JAZF1: variants seen among roughly 807,000 people sequenced by gnomAD.
The protein encoded by JAZF1 is JAZF zinc finger 1, also known as juxtaposed with another zinc finger protein 1.
In JAZF1, 8 loss-of-function variants were observed where a neutral mutation model predicts 26.4. That is an observed-to-expected ratio of 0.30 (90% CI 0.18 to 0.55). The LOEUF is 0.55. JAZF1 is among the 20% of genes least tolerant of loss of function. JAZF1 has a pLI of 0.94. For synonymous variants in JAZF1, 126 were observed against 122.3 expected (o/e 1.03, Z -0.20); for missense variants, 199 against 322.0 (o/e 0.62, Z 2.92).
intron 2 of JAZF1, among the ~76,000 whole-genome samples, chr7:27,987,267 G>T (rs541817916): frequency 6.0e-5 from 9 of 149,734 alleles, no homozygotes; most frequent in Non-Finnish European, 1.2e-4. Flanking sequence ...CTGCCCCGAC[G>T]CCCCGTCTGG....
intron 2 of JAZF1, among the ~76,000 whole-genome samples, chr7:27,937,973 GATCTTGGAC>G (rs1449021345): frequency 6.6e-6 from 1 of 152,116 alleles, no homozygotes; most frequent in Admixed American, 6.6e-5. Flanking sequence ...CTTAGCAATA[GATCTTGGAC>G]ATCTTTTCAG....
chr7:27,975,691 T>C (rs982606686), intron 2 of JAZF1, among the ~76,000 whole-genome samples: 1 of 152,224 alleles, frequency 6.6e-6, no homozygotes, highest in Non-Finnish European at 1.5e-5. Flanking sequence ...ACTGAATTTC[T>C]ACTGACCTGT....
At chr7:28,140,117 C>A (rs1447830563) in intron 1 of JAZF1, among the ~76,000 whole-genome samples, 1 of 144,218 alleles carries the variant, frequency 6.9e-6, no homozygotes, top group Non-Finnish European at 1.5e-5. Context: ...GAGTTTCACT[C>A]TGTCACCCAG....
chr7:27,954,515 C>T (rs1420595456), intron 2 of JAZF1, among the ~76,000 whole-genome samples: 2 of 152,164 alleles, frequency 1.3e-5, no homozygotes, highest in South Asian at 4.1e-4. Flanking sequence ...GAAGTCCAGT[C>T]TTGTACTCCA....
intron 1 of JAZF1, among the ~76,000 whole-genome samples, chr7:28,102,780 A>G (rs1267363894): frequency 6.6e-6 from 1 of 152,236 alleles, no homozygotes; most frequent in Non-Finnish European, 1.5e-5. Flanking sequence ...AATATGAGAA[A>G]TCAAAATTTT....
chr7:27,955,121 C>A (rs1479749266), intron 2 of JAZF1, among the ~76,000 whole-genome samples: 1 of 152,160 alleles, frequency 6.6e-6, no homozygotes, highest in South Asian at 2.1e-4. Flanking sequence ...CCAATAAATT[C>A]TTGTGGTTTG....
At chr7:27,968,101 G>A (rs971631505) in intron 2 of JAZF1, among the ~76,000 whole-genome samples, 4 of 152,152 alleles carry the variant, frequency 2.6e-5, no homozygotes, top group African/African-American at 7.2e-5. Flanking sequence ...TAGTTGTATG[G>A]TATATAACAA....
chr7:27,953,142 C>A (rs959947382), intron 2 of JAZF1, among the ~76,000 whole-genome samples: 8 of 152,176 alleles, frequency 5.3e-5, no homozygotes, highest in Non-Finnish European at 8.8e-5. Flanking sequence ...AGCTGGCAAA[C>A]CACAGGCTGA....
At chr7:28,141,821 T>C (rs1443700212) in intron 1 of JAZF1, among the ~76,000 whole-genome samples, 2 of 152,206 alleles carry the variant, frequency 1.3e-5, no homozygotes, top group African/African-American at 2.4e-5. Context: ...TCAGTATACC[T>C]ACATGTTTAA....
intron 2 of JAZF1, among the ~76,000 whole-genome samples, chr7:27,916,259 A>C (rs1467388928): frequency 7.0e-6 from 1 of 142,684 alleles, no homozygotes; most frequent in Non-Finnish European, 1.5e-5. Context: ...TTCAGGGAAA[A>C]GAAAAAAAAA....
intron 1 of JAZF1, among the ~76,000 whole-genome samples, chr7:28,143,646 C>T (rs1228208709): frequency 6.6e-6 from 1 of 152,148 alleles, no homozygotes; most frequent in African/African-American, 2.4e-5. Flanking sequence ...ATCAAAGAGA[C>T]GGATGGACCT....
At chr7:28,028,406 A>C (rs1583517730) in intron 1 of JAZF1, among the ~76,000 whole-genome samples, 1 of 152,208 alleles carries the variant, frequency 6.6e-6, no homozygotes, top group South Asian at 2.1e-4. Flanking sequence ...AAACCACACT[A>C]TGGCTGTATT....
intron 2 of JAZF1, among the ~76,000 whole-genome samples, chr7:27,952,342 T>C (rs1785024294): frequency 6.6e-6 from 1 of 152,190 alleles, no homozygotes; most frequent in South Asian, 2.1e-4. Flanking sequence ...CAGCCCTAAA[T>C]GGGGAGTAGG....
At chr7:27,971,329 T>G (rs566071823) in intron 2 of JAZF1, among the ~76,000 whole-genome samples, 1 of 152,166 alleles carries the variant, frequency 6.6e-6, no homozygotes, top group African/African-American at 2.4e-5. Context: ...TGGCTGAGGA[T>G]GGGGGCGCCT....
chr7:27,848,136 A>G (rs944905792), intron 3 of JAZF1, among the ~76,000 whole-genome samples: 4 of 152,232 alleles, frequency 2.6e-5, no homozygotes, highest in Admixed American at 6.5e-5. Context: ...CACTGATTCC[A>G]TATGTCACTT....
At chr7:28,039,112 T>A (rs17156245) in intron 1 of JAZF1, among the ~76,000 whole-genome samples, 9,209 of 152,256 alleles carry the variant, frequency 0.06, 948 homozygotes, top group African/African-American at 0.21. Context: ...TTGCTCTGCA[T>A]ATGGAACGTA....
At chr7:27,990,149 C>G (rs1335521709) in intron 2 of JAZF1, among the ~76,000 whole-genome samples, 1 of 152,146 alleles carries the variant, frequency 6.6e-6, no homozygotes, top group Non-Finnish European at 1.5e-5. Flanking sequence ...ATGGATGAAG[C>G]TGGAAACCAT....
chr7:27,908,015 C>T (rs1478405578), intron 2 of JAZF1, among the ~76,000 whole-genome samples: 2 of 152,182 alleles, frequency 1.3e-5, no homozygotes, highest in African/African-American at 4.8e-5. Context: ...AATACCCTGG[C>T]CTGGGCATTT....
At chr7:27,872,845 A>G (rs989135593) in intron 3 of JAZF1, among the ~76,000 whole-genome samples, 1 of 152,164 alleles carries the variant, frequency 6.6e-6, no homozygotes, top group Non-Finnish European at 1.5e-5. Context: ...TGGAATAACA[A>G]TATCAGGAAA....
Sources: allele counts gnomAD v4.1 joint callset (sites outside exome capture counted in the v4.1 genomes callset), GRCh38; gene constraint gnomAD v4.1.1; transcripts MANE v1.5; gene names NCBI Gene and HGNC (gene_info 2026-07-23, HGNC 2026-07-21).